Variants in PUM2 observed in about 807,000 individuals in gnomAD.
PUM2 encodes pumilio RNA binding family member 2, also known as pumilio homolog 2.
Under a neutral mutation model 124.5 loss-of-function variants are expected in PUM2, and 57 were observed. The ratio of observed to expected loss-of-function variants is 0.46; its 90% confidence interval spans 0.37 to 0.57. PUM2 has a LOEUF of 0.57. PUM2 is among the 20% of genes least tolerant of loss of function. The pLI is 0.00. For synonymous variants in PUM2, 460 were observed against 446.1 expected, an observed-to-expected ratio of 1.03 and a Z score of -0.39; for missense variants, 1,065 against 1,290.6, an observed-to-expected ratio of 0.83 and a Z score of 2.68.
intron 7 of PUM2, among the ~76,000 whole-genome samples, chr2:20,305,882 A>G (rs533251873): frequency 8.5e-5 from 13 of 152,358 alleles, no homozygotes; most frequent in African/African-American, 3.1e-4. Flanking sequence ...ATGACACTAC[A>G]GTAAACTTGA....
chr2:20,257,071 A>G (rs1319156681), intron 16 of PUM2, among the ~76,000 whole-genome samples: 2 of 149,262 alleles, frequency 1.3e-5, no homozygotes, highest in African/African-American at 4.9e-5. Context: ...AAAAAAAAAA[A>G]AAGAAATCCA....
At chr2:20,318,772 T>C (rs1681603367) in intron 2 of PUM2, 127 bp from the exon 3 acceptor site, 1 of 583,686 alleles carries the variant, frequency 1.7e-6, no homozygotes, top group Admixed American at 3.2e-5. Context: ...CAGAGTGACC[T>C]ATTTTCTAAG....
intron 13 of PUM2, among the ~76,000 whole-genome samples, chr2:20,271,504 G>A (rs1669003503): frequency 1.3e-5 from 2 of 152,034 alleles, no homozygotes; most frequent in South Asian, 4.1e-4. Flanking sequence ...AATAGAGACG[G>A]GGTTTCGCCA....
intron 5 of PUM2, 34 bp downstream of exon 5, chr2:20,311,460 T>C (rs771247942): frequency 6.4e-7 from 1 of 1,568,158 alleles, no homozygotes; most frequent in Non-Finnish European, 8.7e-7. Context: ...CCTAAAAAGA[T>C]ACGCTTTTCT....
intron 2 of PUM2, among the ~76,000 whole-genome samples, chr2:20,326,791 A>G (rs147833996): frequency 1.3e-5 from 2 of 152,312 alleles, no homozygotes; most frequent in Non-Finnish European, 1.5e-5. Context: ...CCAGCAATAT[A>G]ATAAAAGTCT....
At chr2:20,265,456 C>T (rs1177098505) in intron 13 of PUM2, among the ~76,000 whole-genome samples, 2 of 152,164 alleles carry the variant, frequency 1.3e-5, no homozygotes, top group African/African-American at 2.4e-5. Flanking sequence ...TCTAACTGTT[C>T]GTAACAATAA....
chr2:20,320,376 TAACCTGTTTAATAACTTAAACAGCTA>T (rs570250791), intron 2 of PUM2, among the ~76,000 whole-genome samples: 1 of 152,158 alleles, frequency 6.6e-6, no homozygotes, highest in African/African-American at 2.4e-5. Flanking sequence ...CTAAAAAGAA[TAACCTGTTTAATAACTTAAACAGCTA>T]AAAAGGTAAA....
intron 10 of PUM2, among the ~76,000 whole-genome samples, chr2:20,286,154 G>A (rs771378740): frequency 6.6e-6 from 1 of 152,092 alleles, no homozygotes; most frequent in African/African-American, 2.4e-5. Context: ...GAATTACTTC[G>A]ACTTTTCTTA....
chr2:20,325,395 T>C (rs985176361), intron 2 of PUM2, among the ~76,000 whole-genome samples: 3 of 152,192 alleles, frequency 2.0e-5, no homozygotes, highest in Admixed American at 6.5e-5. Flanking sequence ...TTAAGCTTTT[T>C]TCTTTTAACA....
chr2:20,294,250 C>A, intron 9 of PUM2, 126 bp downstream of exon 9: 1 of 1,003,744 alleles, frequency 1.0e-6, no homozygotes, highest in East Asian at 2.5e-5. Flanking sequence ...ACTTGCGTAT[C>A]AACTGTATGC....
chr2:20,306,159 T>C (rs1380853683), intron 7 of PUM2, among the ~76,000 whole-genome samples: 1 of 152,070 alleles, frequency 6.6e-6, no homozygotes, highest in Non-Finnish European at 1.5e-5. Context: ...GAGCCAAGAC[T>C]GCACCACTGC....
At chr2:20,276,417 A>T (rs1330419462) in intron 13 of PUM2, among the ~76,000 whole-genome samples, 2 of 152,048 alleles carry the variant, frequency 1.3e-5, no homozygotes, top group African/African-American at 4.8e-5. Flanking sequence ...CTTAAAATAA[A>T]ATCTCCCAGA....
intron 1 of PUM2, among the ~76,000 whole-genome samples, chr2:20,336,712 T>TGTGTGTG (rs201731555): frequency 2.2e-4 from 29 of 133,930 alleles, no homozygotes; most frequent in East Asian, 4.6e-4. Context: ...TGTGTGTGTG[T>TGTGTGTG]TACAGACGGG....
At chr2:20,298,390 C>T (rs1159766164) in intron 7 of PUM2, among the ~76,000 whole-genome samples, 2 of 152,176 alleles carry the variant, frequency 1.3e-5, no homozygotes, top group Non-Finnish European at 2.9e-5. Context: ...AGGCCAGTTA[C>T]ACTCACTTCT....
chr2:20,300,453 G>A (rs1302751732), intron 7 of PUM2, among the ~76,000 whole-genome samples: 3 of 152,080 alleles, frequency 2.0e-5, no homozygotes, highest in Non-Finnish European at 4.4e-5. Context: ...CCGGCCTCAA[G>A]TTAAATTTTA....
intron 3 of PUM2, among the ~76,000 whole-genome samples, chr2:20,317,768 C>T (rs545822818): frequency 3.9e-5 from 6 of 152,050 alleles, no homozygotes; most frequent in Non-Finnish European, 7.4e-5. Context: ...CCTGTGTTCT[C>T]GTCATAAGTG....
intron 6 of PUM2, 26 bp downstream of exon 6, chr2:20,308,288 T>C: frequency 6.2e-7 from 1 of 1,607,368 alleles, no homozygotes; most frequent in Non-Finnish European, 8.5e-7. Flanking sequence ...TAAGAGGACC[T>C]TCTTAAAGAA....
At chr2:20,343,826 G>C (rs1173932635) in intron 1 of PUM2, among the ~76,000 whole-genome samples, 1 of 152,130 alleles carries the variant, frequency 6.6e-6, no homozygotes, top group African/African-American at 2.4e-5. Context: ...CTCCTCAGGA[G>C]GCTGAAGTCA....
intron 1 of PUM2, among the ~76,000 whole-genome samples, chr2:20,327,753 T>C (rs1684016982): frequency 6.6e-6 from 1 of 152,052 alleles, no homozygotes. Context: ...GGCCTAGATG[T>C]GGAAGTAGGG....
Sources: allele counts gnomAD v4.1 joint callset (sites outside exome capture counted in the v4.1 genomes callset), GRCh38; gene constraint gnomAD v4.1.1; transcripts MANE v1.5; gene names NCBI Gene and HGNC (gene_info 2026-07-23, HGNC 2026-07-21).